The following MICAL3 variants were observed in gnomAD, a reference collection of about 807,000 sequenced individuals.
MICAL3 encodes the protein [F-actin]-monooxygenase MICAL3.
In MICAL3, 62 loss-of-function variants were observed where a neutral mutation model predicts 207.4. The ratio of observed to expected loss-of-function variants is 0.30; its 90% CI spans 0.24 to 0.37. The LOEUF is 0.37. MICAL3 is among the 10% of genes least tolerant of loss of function. The probability of loss-of-function intolerance (pLI) is 1.00; values close to 1 mark genes in which losing one functional copy is unlikely to be tolerated. For missense variants in MICAL3, 2,368 were observed against 2,635.6 expected, an observed-to-expected ratio of 0.90 and a Z score of 2.22; for synonymous variants, 1,077 against 1,069.3, an observed-to-expected ratio of 1.01 and a Z score of -0.14.
chr22:17,901,458 A>G (rs1931313488), intron 5 of MICAL3, among the ~76,000 whole-genome samples: 2 of 152,106 alleles, frequency 1.3e-5, no homozygotes, highest in African/African-American at 4.8e-5. Flanking sequence ...TGCTTGAGCC[A>G]AGGAGTTTGA....
At chr22:17,795,766 A>G (rs191762417) in intron 29 of MICAL3, among the ~76,000 whole-genome samples, 13 of 152,346 alleles carry the variant, frequency 8.5e-5, no homozygotes, top group African/African-American at 2.2e-4. Flanking sequence ...ACACTTCCAC[A>G]ACGGGCGAGG....
intron 1 of MICAL3, among the ~76,000 whole-genome samples, chr22:18,018,744 CTAT>C: frequency 4.6e-5 from 1 of 21,778 alleles, no homozygotes; most frequent in Non-Finnish European, 8.2e-5. Context: ...TAAAAAATAT[CTAT>C]CTATCTATCT....
At position 17,873,736 on chromosome 22, in the gene MICAL3, G is replaced by A. The variant is rs559066663; in HGVS notation, c.2242-1713C>T. ...CTGAAACCACAGGAGAAACTTCCAC[G>A]TCTCCATCATGAGCCGCCCTGCTCA... On this transcript the variant is annotated intron_variant, in intron 16 of 31. Coordinates refer to ENST00000441493, the MANE Select transcript of MICAL3 (RefSeq NM_015241.3). Among the ~76,000 whole-genome samples the A allele has an allele frequency of 1.0e-3, 155 of 152,356 alleles. 1 individual carries two copies. The highest frequency in any genetic ancestry group is 3.3e-3 in the African/African-American group (139 of 41,580).
intron 1 of MICAL3, among the ~76,000 whole-genome samples, chr22:17,920,320 C>A (rs973118936): frequency 1.3e-5 from 2 of 152,196 alleles, no homozygotes; most frequent in Non-Finnish European, 2.9e-5. Context: ...CCACTGGTTC[C>A]TCCAGCCTGA....
At chr22:17,946,771 TC>T (rs781158184) in intron 1 of MICAL3, among the ~76,000 whole-genome samples, 5 of 152,190 alleles carry the variant, frequency 3.3e-5, no homozygotes, top group Non-Finnish European at 7.3e-5. Flanking sequence ...GCCATTCTAC[TC>T]CAAGTGTGCA....
At chr22:17,958,220 CA>C (rs1273768775) in intron 1 of MICAL3, among the ~76,000 whole-genome samples, 1 of 152,178 alleles carries the variant, frequency 6.6e-6, no homozygotes, top group Non-Finnish European at 1.5e-5. Flanking sequence ...CAGAACTCAA[CA>C]AATCTCCAAT....
chr22:17,955,947 C>T lies in MICAL3; in HGVS notation c.-74-49061G>A, dbSNP rs529796632. On this transcript the variant is annotated intron_variant, in intron 1 of 31. Transcript: ENST00000441493. ...GAATCCACAGAGATTTTAGGAATTT[C>T]AGATTTTTAGTCATAAACCAAAATC... 1.2e-3 allele frequency among the ~76,000 whole-genome samples: 189 copies of T among 152,340 alleles called. 1 individual carries two copies. The highest frequency in any genetic ancestry group is 2.0e-3 in the Non-Finnish European group (134 of 68,038).
chr22:17,892,662 G>A (rs115183655), intron 11 of MICAL3, among the ~76,000 whole-genome samples: 2,054 of 152,236 alleles, frequency 0.013, 51 homozygotes, highest in African/African-American at 0.046. Context: ...AATATTCCAT[G>A]CTCTAAAATA....
intron 20 of MICAL3, among the ~76,000 whole-genome samples, chr22:17,832,997 T>A (rs1922969539): frequency 6.6e-6 from 1 of 152,166 alleles, no homozygotes; most frequent in Non-Finnish European, 1.5e-5. Flanking sequence ...TCCTGCCAGC[T>A]GCTGCACTGC....
At chr22:17,862,503 G>A in intron 19 of MICAL3, 2 of 777,806 alleles carry the variant, frequency 2.6e-6, no homozygotes, top group Non-Finnish European at 3.1e-6. Flanking sequence ...CTCGTGATCT[G>A]CCCGCCTCGG....
At chr22:17,837,280 C>T (rs1923498539) in intron 20 of MICAL3, among the ~76,000 whole-genome samples, 3 of 152,236 alleles carry the variant, frequency 2.0e-5, no homozygotes, top group Admixed American at 2.0e-4. Flanking sequence ...GAGGGAGCGG[C>T]CTTCTCCCAC....
At chr22:17,954,491 G>A (rs1462355241) in intron 1 of MICAL3, among the ~76,000 whole-genome samples, 1 of 152,168 alleles carries the variant, frequency 6.6e-6, no homozygotes, top group Non-Finnish European at 1.5e-5. Context: ...GTAGGGAATG[G>A]ATCAGATATA....
chr22:17,872,118 C>T, intron 16 of MICAL3, 95 bp from the exon 17 acceptor site: 1 of 1,056,980 alleles, frequency 9.5e-7, no homozygotes. Context: ...AAAGCCAACC[C>T]TCACTAAGGG....
At chr22:17,860,376 G>C in intron 19 of MICAL3, 19 of 985,462 alleles carry the variant, frequency 1.9e-5, no homozygotes, top group Non-Finnish European at 2.3e-5. Flanking sequence ...ACAGGCAGCA[G>C]TGGCGTGTTC....
At chr22:17,883,308 T>G (rs1444604947) in intron 16 of MICAL3, among the ~76,000 whole-genome samples, 2 of 152,250 alleles carry the variant, frequency 1.3e-5, no homozygotes, top group Non-Finnish European at 2.9e-5. Flanking sequence ...CTCAGCCTTT[T>G]GGGCCCTGCC....
At chr22:17,872,934 G>A in intron 16 of MICAL3, 1 of 925,466 alleles carries the variant, frequency 1.1e-6, no homozygotes, top group South Asian at 1.4e-5. Context: ...AAGACACGGG[G>A]AAAAAAAGAA....
In MICAL3 at chr22:17,887,306, G is replaced by A; in HGVS notation, c.2004+17C>T. On this transcript the variant is annotated intron_variant, in intron 14 of 31. Transcript: ENST00000441493. ...TGCCATTAGCTTTGCAGCCCATCAA[G>A]AGACTCCTCCACATACCTTGGGAGA... 1 of 1,611,612 alleles carries A rather than the reference G, an allele frequency of 6.2e-7. No homozygotes were observed. Among genetic ancestry groups the A allele is most frequent in the Middle Eastern group, 1.7e-4 (1 of 6,060 alleles).
intron 1 of MICAL3, among the ~76,000 whole-genome samples, chr22:18,006,839 C>T (rs1923418255): frequency 1.3e-5 from 2 of 152,058 alleles, no homozygotes; most frequent in Admixed American, 1.3e-4. Flanking sequence ...GTCACACACA[C>T]ACACACAAAA....
chr22:17,826,800 T>C (rs1453077344), intron 22 of MICAL3, among the ~76,000 whole-genome samples: 2 of 152,216 alleles, frequency 1.3e-5, no homozygotes, highest in Non-Finnish European at 1.5e-5. Flanking sequence ...CGGGTGCTCA[T>C]GGTGCCACCA....
Sources: allele counts gnomAD v4.1 joint callset (sites outside exome capture counted in the v4.1 genomes callset), GRCh38; gene constraint gnomAD v4.1.1; transcripts MANE v1.5; gene names NCBI Gene and HGNC (gene_info 2026-07-23, HGNC 2026-07-21).